The following ANXA4 variants were observed in gnomAD, a reference collection of about 807,000 sequenced individuals.
The protein encoded by ANXA4 is annexin A4, also known as 35-beta calcimedin.
In ANXA4, 39 loss-of-function variants were observed where a neutral mutation model predicts 49.8. The observed-to-expected ratio is 0.78, with a 90% confidence interval of 0.61 to 1.02. The LOEUF (loss-of-function observed/expected upper bound fraction) is 1.02, where lower values mean the gene tolerates loss of function less well. Ranked by LOEUF, ANXA4 falls within the 50% of genes least tolerant of loss-of-function variation. ANXA4 has a pLI of 0.00. For missense variants in ANXA4, 360 were observed against 410.1 expected, an observed-to-expected ratio of 0.88 and a Z score of 1.05; for synonymous variants, 134 against 152.5, an observed-to-expected ratio of 0.88 and a Z score of 0.89.
chr2:69,711,839 G>A (rs1391069088), intron 2 of ANXA4, among the ~76,000 whole-genome samples: 1 of 151,714 alleles, frequency 6.6e-6, no homozygotes, highest in Non-Finnish European at 1.5e-5. Flanking sequence ...ATGATTTCTG[G>A]TTTTGGAAGT....
intron 2 of ANXA4, among the ~76,000 whole-genome samples, chr2:69,681,044 C>G (rs1355560371): frequency 2.6e-5 from 4 of 152,112 alleles, no homozygotes; most frequent in Non-Finnish European, 1.5e-5. Context: ...AGAATTCTCT[C>G]CTCTTCACTT....
intron 1 of ANXA4, among the ~76,000 whole-genome samples, chr2:69,646,770 C>T (rs897974555): frequency 1.3e-5 from 2 of 152,152 alleles, no homozygotes; most frequent in African/African-American, 4.8e-5. Context: ...TAGACACTGG[C>T]CTGGAGATAA....
At position 69,709,642 on chromosome 2, in the gene ANXA4, C is replaced by G. The variant is rs566314852; in HGVS notation, n.767-11132C>G. The stretch of plus-strand genomic sequence containing the variant: ...ATCCCAGAAATCTACATGGCAACCT[C>G]GCTAGGTAACTCTTAACTCTGAAAC... On this transcript the variant is annotated intron_variant and non_coding_transcript_variant, in intron 2 of 3. Transcript: ENST00000418066. Among the ~76,000 whole-genome samples the G allele has an allele frequency of 2.6e-5, 4 of 152,312 alleles. No homozygotes were observed. In the East Asian group the frequency reaches 7.7e-4, roughly 29 times the overall value.
intron 1 of ANXA4, among the ~76,000 whole-genome samples, chr2:69,750,579 A>AT (rs976761683): frequency 6.6e-6 from 1 of 152,058 alleles, no homozygotes; most frequent in African/African-American, 2.4e-5. Context: ...CACCCAGCTA[A>AT]TTTTTTGTAT....
rs188796094 is a variant in ANXA4, at chr2:69,811,878, A to G, written c.478-775A>G. 1.3e-3 allele frequency among the ~76,000 whole-genome samples: 191 copies of G among 152,070 alleles called. 3 individuals are homozygous for G. Among genetic ancestry groups the G allele is most frequent in the Non-Finnish European group, 2.5e-3 (172 of 67,982 alleles). ...TTCCCACTTTCTCTTTTCCTCCCAT[A>G]TTTACCACTCTGATGAGCCATGCCT... On this transcript the variant is annotated intron_variant, in intron 7 of 12. Transcript: ENST00000394295.
chr2:69,731,797 T>TA (rs1157442572), intron 3 of ANXA4, among the ~76,000 whole-genome samples: 1 of 152,132 alleles, frequency 6.6e-6, no homozygotes, highest in East Asian at 1.9e-4. Context: ...TTTATACTGA[T>TA]ATGATGCAAA....
intron 1 of ANXA4, among the ~76,000 whole-genome samples, chr2:69,750,564 T>A (rs1559141727): frequency 6.6e-6 from 1 of 152,182 alleles, no homozygotes. Context: ...AGGCACGCGC[T>A]GCCACACCCA....
intron 2 of ANXA4, among the ~76,000 whole-genome samples, chr2:69,674,599 C>A (rs962375214): frequency 6.6e-6 from 1 of 152,164 alleles, no homozygotes; most frequent in Non-Finnish European, 1.5e-5. Context: ...TATAGAAATA[C>A]AATGGTCATT....
At chr2:69,786,614 A>T (rs1425807610) in intron 2 of ANXA4, among the ~76,000 whole-genome samples, 1 of 152,214 alleles carries the variant, frequency 6.6e-6, no homozygotes, top group Non-Finnish European at 1.5e-5. Context: ...CATTTATTTA[A>T]ATATTTTTAT....
Position 69,810,597 on chromosome 2 carries a change from A to G in ANXA4, c.401A>G (p.Tyr134Cys). 1 of 1,613,916 alleles carries G rather than the reference A, an allele frequency of 6.2e-7. No homozygotes were observed. The highest frequency in any genetic ancestry group is 2.2e-5 in the East Asian group (1 of 44,878). ...GCTAATTTCACTCTCTTGCTAGAATATGGACGGAGCCTTGAAGATGACATT... is the reference window on the plus strand; with the variant it reads ...GCTAATTTCACTCTCTTGCTAGAATGTGGACGGAGCCTTGAAGATGACATT... ...RRISQTYQQQ[Y>C]GRSLEDDIRS... The change falls in exon 7 of 13, where the codon TAT becomes TGT. Residue 134 changes from tyrosine (Y) to cysteine (C), a missense_variant. Transcript: ENST00000394295.
At chr2:69,730,475 C>G (rs753983128) in intron 3 of ANXA4, among the ~76,000 whole-genome samples, 1 of 152,182 alleles carries the variant, frequency 6.6e-6, no homozygotes, top group Non-Finnish European at 1.5e-5. Context: ...GCACTCCAGC[C>G]TGGGCGACAA....
intron 2 of ANXA4, among the ~76,000 whole-genome samples, chr2:69,702,429 A>G (rs979274211): frequency 1.3e-5 from 2 of 152,082 alleles, no homozygotes; most frequent in African/African-American, 4.8e-5. Context: ...CCACACCTCA[A>G]ATTATTTTGA....
At chr2:69,798,955 C>T (rs1486560131) in intron 3 of ANXA4, among the ~76,000 whole-genome samples, 3 of 152,116 alleles carry the variant, frequency 2.0e-5, no homozygotes, top group African/African-American at 7.2e-5. Context: ...GGCAAAAGAA[C>T]AGAACAGCTC....
intron 2 of ANXA4, among the ~76,000 whole-genome samples, chr2:69,681,547 T>C (rs755529440): frequency 1.3e-5 from 2 of 152,186 alleles, no homozygotes; most frequent in Non-Finnish European, 2.9e-5. Flanking sequence ...GTATTTTTAG[T>C]AGAAATGGGG....
At chr2:69,731,493 C>T (rs768438624) in intron 3 of ANXA4, among the ~76,000 whole-genome samples, 1 of 152,172 alleles carries the variant, frequency 6.6e-6, no homozygotes, top group Non-Finnish European at 1.5e-5. Flanking sequence ...GTCACTTCAG[C>T]GCAATCCACA....
At chr2:69,816,883 C>T (rs1013469323) in intron 9 of ANXA4, 2 of 152,274 alleles carry the variant, frequency 1.3e-5, no homozygotes, top group East Asian at 1.9e-4. Flanking sequence ...CCCTTTTAAT[C>T]ACACACACTG....
intron 3 of ANXA4, among the ~76,000 whole-genome samples, chr2:69,793,098 A>G (rs1573267406): frequency 6.6e-6 from 1 of 152,168 alleles, no homozygotes; most frequent in African/African-American, 2.4e-5. Context: ...CTAAAAATGC[A>G]AAAATTAGAT....
Position 69,647,634 on chromosome 2 carries a change from C to G in ANXA4, n.481+2729C>G, listed in dbSNP as rs553171469. On this transcript the variant is annotated intron_variant and non_coding_transcript_variant, in intron 1 of 3. Transcript: ENST00000418066. ...ATGTTGCCCAGGGTGGTCTTGAACT[C>G]CTGAGCTCAGGCCATCCACCCACCT... Among the ~76,000 whole-genome samples the G allele has an allele frequency of 3.3e-5, 5 of 152,112 alleles. No individual in the cohort carries two copies. The South Asian group carries it at 1.0e-3, about 32-fold the overall frequency.
At chr2:69,812,214 T>G (rs1266938119) in intron 7 of ANXA4, among the ~76,000 whole-genome samples, 1 of 151,824 alleles carries the variant, frequency 6.6e-6, no homozygotes, top group Non-Finnish European at 1.5e-5. Flanking sequence ...CTTGAACTCC[T>G]GGCCTCAAGA....
Sources: gnomAD v4.1 joint callset for allele counts (sites outside exome capture counted in the v4.1 genomes callset) on GRCh38, gnomAD v4.1.1 for gene constraint, MANE v1.5 for transcripts, NCBI Gene and HGNC (gene_info 2026-07-23, HGNC 2026-07-21) for gene names.